JAM3: variants seen among roughly 807,000 people sequenced by gnomAD.
The protein encoded by JAM3 is junctional adhesion molecule 3.
In JAM3, 31 loss-of-function variants were observed where a neutral mutation model predicts 39.4. That is an observed-to-expected ratio of 0.79 (90% CI 0.59 to 1.06). JAM3 has a LOEUF of 1.06. Ranked by LOEUF, JAM3 falls within the 50% of genes least tolerant of loss-of-function variation. The probability of loss-of-function intolerance (pLI) is 0.00; values close to 1 mark genes in which losing one functional copy is unlikely to be tolerated. For missense variants in JAM3, 455 were observed against 391.4 expected (o/e 1.16, Z -1.37); for synonymous variants, 182 against 148.7 (o/e 1.22, Z -1.63).
intron 1 of JAM3, among the ~76,000 whole-genome samples, chr11:134,071,837 AAAAAC>A (rs58193441): frequency 0.2 from 29,876 of 152,040 alleles, 3,428 homozygotes; most frequent in East Asian, 0.36. Flanking sequence ...ATGTTTTAAA[AAAAAC>A]AAAGAACACC....
At chr11:134,125,388 G>T (rs1170947637) in intron 1 of JAM3, among the ~76,000 whole-genome samples, 1 of 152,120 alleles carries the variant, frequency 6.6e-6, no homozygotes, top group Non-Finnish European at 1.5e-5. Context: ...CTCCTTTTAG[G>T]CTTCAAGGTC....
chr11:134,124,390 A>G (rs1319580826), intron 1 of JAM3: 2 of 628,106 alleles, frequency 3.2e-6, no homozygotes, highest in East Asian at 2.6e-5. Context: ...AGAAATCAAT[A>G]AATCAAAATG....
chr11:134,145,610 TCAGA>T (rs982395989), intron 5 of JAM3, among the ~76,000 whole-genome samples: 18 of 152,296 alleles, frequency 1.2e-4, no homozygotes, highest in Non-Finnish European at 2.2e-4. Flanking sequence ...CACGTAGTCA[TCAGA>T]CAGATTTTAA....
intron 1 of JAM3, among the ~76,000 whole-genome samples, chr11:134,121,693 T>C (rs1171248756): frequency 6.6e-6 from 1 of 152,142 alleles, no homozygotes; most frequent in Non-Finnish European, 1.5e-5. Flanking sequence ...TAGTCTTTAA[T>C]TTAAAAGAAA....
At chr11:134,075,586 G>A (rs1941553620) in intron 1 of JAM3, among the ~76,000 whole-genome samples, 1 of 152,076 alleles carries the variant, frequency 6.6e-6, no homozygotes. Flanking sequence ...CCTCACCTGG[G>A]TAATTTTTTG....
intron 1 of JAM3, among the ~76,000 whole-genome samples, chr11:134,091,864 G>A (rs1425649498): frequency 2.0e-5 from 3 of 149,992 alleles, no homozygotes; most frequent in African/African-American, 7.4e-5. Flanking sequence ...TTAACTGTAG[G>A]AATTTATGGA....
At chr11:134,138,854 C>A (rs769525017) in intron 1 of JAM3, among the ~76,000 whole-genome samples, 51 of 152,244 alleles carry the variant, frequency 3.3e-4, no homozygotes, top group African/African-American at 5.3e-4. Context: ...AAGAAAAGAT[C>A]CATGTAGCTG....
chr11:134,145,229 T>C, intron 5 of JAM3: 1 of 580,068 alleles, frequency 1.7e-6, no homozygotes, highest in Non-Finnish European at 3.1e-6. Flanking sequence ...CGAAGAGGGA[T>C]ATTAAGCAAA....
intron 1 of JAM3, among the ~76,000 whole-genome samples, chr11:134,111,591 C>CA (rs1396941045): frequency 6.6e-6 from 1 of 152,088 alleles, no homozygotes; most frequent in Non-Finnish European, 1.5e-5. Flanking sequence ...TGACAAGAAT[C>CA]AGAGTTTCTC....
At chr11:134,140,620 C>A in intron 2 of JAM3, 37 bp from the exon 3 acceptor site, 1 of 1,546,418 alleles carries the variant, frequency 6.5e-7, no homozygotes. Context: ...AAGCACTCCA[C>A]ATTCACCGAG....
chr11:134,079,316 A>G (rs576218908), intron 1 of JAM3, among the ~76,000 whole-genome samples: 9 of 152,314 alleles, frequency 5.9e-5, no homozygotes, highest in African/African-American at 2.2e-4. Flanking sequence ...AACAGCACCT[A>G]CTTAGTCTAC....
At chr11:134,132,111 C>G (rs1369923283) in intron 1 of JAM3, among the ~76,000 whole-genome samples, 2 of 152,146 alleles carry the variant, frequency 1.3e-5, no homozygotes, top group African/African-American at 4.8e-5. Context: ...TAAGTAGAAT[C>G]AACCAAAGAG....
intron 1 of JAM3, among the ~76,000 whole-genome samples, chr11:134,124,883 A>G (rs958232673): frequency 2.0e-5 from 3 of 152,246 alleles, no homozygotes; most frequent in African/African-American, 4.8e-5. Flanking sequence ...TGTGCAACGT[A>G]TATTCCAACG....
intron 8 of JAM3, 76 bp from the exon 9 acceptor site, chr11:134,149,070 T>C (rs1159820833): frequency 3.2e-6 from 5 of 1,538,958 alleles, no homozygotes; most frequent in South Asian, 2.2e-5. Context: ...ATTTAGCCCA[T>C]GTTAGACTTA....
chr11:134,133,383 A>G (rs934310485), intron 1 of JAM3, among the ~76,000 whole-genome samples: 1 of 152,144 alleles, frequency 6.6e-6, no homozygotes, highest in Non-Finnish European at 1.5e-5. Context: ...ATTGTAGGGG[A>G]AAAACTTTTG....
Position 134,149,120 on chromosome 11 carries a change from GCTCTAA to G in JAM3, c.898-23_898-18del. The G allele has an allele frequency of 1.2e-6, 2 of 1,613,902 alleles. No individual in the cohort carries two copies. The highest frequency in any genetic ancestry group is 1.7e-6 in the Non-Finnish European group (2 of 1,179,842). ...CTGCTTGCCACCAGGCCCCTTGATG[GCTCTAA>G]CTGTGTGTTGGCTTTGCAGGGCGAC... On this transcript the variant is annotated intron_variant, in intron 8 of 8. Coordinates refer to ENST00000299106, the MANE Select transcript of JAM3 (RefSeq NM_032801.5).
chr11:134,121,623 A>G (rs595196), intron 1 of JAM3, among the ~76,000 whole-genome samples: 1 of 152,310 alleles, frequency 6.6e-6, no homozygotes, highest in East Asian at 1.9e-4. Flanking sequence ...CATTAAATCC[A>G]AAAGAAAAAG....
rs1160580040 is a variant in JAM3, at chr11:134,144,405, T to C, written c.409+12T>C. The C allele has an allele frequency of 6.2e-7, 1 of 1,614,180 alleles. No homozygotes were observed. The highest frequency in any genetic ancestry group is 8.5e-7 in the Non-Finnish European group (1 of 1,180,010). Reference sequence around the variant, plus strand: ...GTTAACTGTGCAAGGTAGGAGCTCATGCGAAGGTGAGACATTGCCACCATA... The same window carrying C: ...GTTAACTGTGCAAGGTAGGAGCTCACGCGAAGGTGAGACATTGCCACCATA... On this transcript the variant is annotated intron_variant, in intron 4 of 8. Transcript: ENST00000299106.
In JAM3 at chr11:134,138,970, G is replaced by T. The variant is rs530466330; in HGVS notation, c.77-881G>T. Among the ~76,000 whole-genome samples, 286 of 152,338 alleles carry T rather than the reference G, an allele frequency of 1.9e-3. 5 individuals are homozygous for T. In the South Asian group the frequency reaches 0.026, roughly 14 times the overall value. ...AGTTGCTCTGTGATTTTCTTTAGCG[G>T]TTATCATAAGCCAGGACCCAGAGAC... On this transcript the variant is annotated intron_variant, in intron 1 of 8. Coordinates refer to ENST00000299106, the MANE Select transcript of JAM3 (RefSeq NM_032801.5).
Sources: allele counts gnomAD v4.1 joint callset (sites outside exome capture counted in the v4.1 genomes callset), GRCh38; gene constraint gnomAD v4.1.1; transcripts MANE v1.5; gene names NCBI Gene and HGNC (gene_info 2026-07-23, HGNC 2026-07-21).